SNX8: variants seen among roughly 807,000 people sequenced by gnomAD.
The protein encoded by SNX8 is sorting nexin-8.
SNX8 carries 25 observed loss-of-function variants against 51.6 expected under a neutral mutation model. The observed-to-expected ratio is 0.48, with a 90% CI of 0.35 to 0.68. The LOEUF is 0.68. Ranked by LOEUF, SNX8 falls within the 30% of genes least tolerant of loss-of-function variation. SNX8 has a pLI of 0.00. For synonymous variants in SNX8, 324 were observed against 277.0 expected, an observed-to-expected ratio of 1.17 and a Z score of -1.68; for missense variants, 695 against 624.0, an observed-to-expected ratio of 1.11 and a Z score of -1.21.
intron 1 of SNX8, among the ~76,000 whole-genome samples, chr7:2,330,148 T>A (rs1395084791): frequency 1.4e-5 from 2 of 146,520 alleles, no homozygotes; most frequent in Non-Finnish European, 3.0e-5. Flanking sequence ...CTTTTTTTTT[T>A]TTTTTTTGAG....
chr7:2,340,485 C>G lies in SNX8; in HGVS notation c.-66+13737G>C, dbSNP rs908440034. 2.7e-5 allele frequency among the ~76,000 whole-genome samples: 4 copies of G among 148,464 alleles called. No individual in the cohort carries two copies. In the East Asian group the frequency reaches 7.9e-4, roughly 29 times the overall value. ...AATTCTATTTTTCCCTGTTTCTGTTCTTTTAATGGTTATTCTAGGACACTC... is the reference window on the plus strand; with the variant it reads ...AATTCTATTTTTCCCTGTTTCTGTTGTTTTAATGGTTATTCTAGGACACTC... On this transcript the variant is annotated intron_variant, in intron 1 of 5. Coordinates refer to the SNX8 transcript ENST00000435336.
At chr7:2,339,356 C>T (rs1778882919) in intron 1 of SNX8, among the ~76,000 whole-genome samples, 1 of 152,024 alleles carries the variant, frequency 6.6e-6, no homozygotes, top group Admixed American at 6.6e-5. Flanking sequence ...CAGGCACGTG[C>T]CACCACGCCC....
chr7:2,314,232 G>C, intron 1 of SNX8, 96 bp downstream of exon 1: 6 of 1,187,380 alleles, frequency 5.1e-6, no homozygotes, highest in Non-Finnish European at 6.3e-6. Flanking sequence ...CAGGAAACGA[G>C]TCGGGGACCA....
In SNX8 at chr7:2,314,345, G is replaced by C; in HGVS notation, c.77C>G (p.Ala26Gly). Residue 26 changes from alanine (A) to glycine (G), a missense_variant, in exon 1 of 11, where the codon GCG becomes GGG. Physicochemically the swap from Ala to Gly is moderately conservative, Grantham distance 60 (BLOSUM62 0). Transcript: ENST00000222990. Reference protein sequence around the residue: ...AAAEAEADEEADPPASDLPTP... With the variant: ...AAAEAEADEEGDPPASDLPTP... Reference sequence around the variant, plus strand: ...CGCCCTACCTGACGCCGGGGGATCCGCCTCCTCGTCAGCCTCCGCCTCAGC... The same window carrying C: ...CGCCCTACCTGACGCCGGGGGATCCCCCTCCTCGTCAGCCTCCGCCTCAGC... 8.2e-7 allele frequency: 1 copy of C among 1,223,592 alleles called. No homozygotes were observed. The highest frequency in any genetic ancestry group is 1.0e-6 in the Non-Finnish European group (1 of 982,512). The allele number at this position is 1,223,592 out of a possible 1,614,324, so 75.8% of individuals were successfully genotyped here.
At chr7:2,255,503 T>G (rs1189118647) in intron 10 of SNX8, among the ~76,000 whole-genome samples, 1 of 152,242 alleles carries the variant, frequency 6.6e-6, no homozygotes, top group African/African-American at 2.4e-5. Context: ...GTGCGGGCAC[T>G]GGCCTCATGG....
upstream of SNX8, among the ~76,000 whole-genome samples, chr7:2,314,664 G>T (rs1157043725): frequency 2.0e-5 from 3 of 152,156 alleles, no homozygotes; most frequent in Admixed American, 2.0e-4. Flanking sequence ...GGTGGCGCAG[G>T]TTACCTCCCC....
At position 2,263,236 on chromosome 7, in the gene SNX8, T is replaced by A. The variant is rs1056000215; in HGVS notation, c.909A>T (p.Ala303=). 6.2e-7 allele frequency: 1 copy of A among 1,613,768 alleles called. No individual in the cohort carries two copies. The highest frequency in any genetic ancestry group is 8.5e-7 in the Non-Finnish European group (1 of 1,180,016). ...GGAGAACCGATCCACTCACCTGTTG[T>A]GCAGCCTTGTCGGCGAGCAGCGCGA... ...VEFALLADKA[A]QQGKQEENDV... The change falls in exon 7 of 11, where the codon GCA becomes GCT. Residue 303 remains alanine (A), a synonymous_variant. Transcript: ENST00000222990.
chr7:2,321,457 C>A (rs1778511284), intron 1 of SNX8, among the ~76,000 whole-genome samples: 1 of 148,702 alleles, frequency 6.7e-6, no homozygotes, highest in Non-Finnish European at 1.5e-5. Context: ...GACGGAGTCT[C>A]CCTCTGTCAC....
At chr7:2,307,419 G>A (rs1017031519) in intron 1 of SNX8, among the ~76,000 whole-genome samples, 5 of 151,956 alleles carry the variant, frequency 3.3e-5, no homozygotes, top group African/African-American at 1.2e-4. Flanking sequence ...GATCACTGAG[G>A]TTCCAAGTTC....
At chr7:2,330,262 C>T (rs545587637) in intron 1 of SNX8, among the ~76,000 whole-genome samples, 1 of 151,230 alleles carries the variant, frequency 6.6e-6, no homozygotes, top group South Asian at 2.1e-4. Context: ...CTCAGCCTTC[C>T]AAGTAGCTGG....
At chr7:2,301,324 C>A (rs912990043) in intron 1 of SNX8, among the ~76,000 whole-genome samples, 1 of 152,156 alleles carries the variant, frequency 6.6e-6, no homozygotes. Flanking sequence ...ACCTATTGGC[C>A]GTGTGCTCAT....
upstream of SNX8, among the ~76,000 whole-genome samples, chr7:2,315,853 CTAACTGCATCCTGCATTCAT>C (rs1163341143): frequency 5.4e-5 from 8 of 149,388 alleles, no homozygotes; most frequent in African/African-American, 2.0e-4. Flanking sequence ...CACTCACTCA[CTAACTGCATCCTGCATTCAT>C]TCACTCACTC....
At chr7:2,305,570 G>C (rs1005451390) in intron 1 of SNX8, among the ~76,000 whole-genome samples, 1 of 151,926 alleles carries the variant, frequency 6.6e-6, no homozygotes, top group Non-Finnish European at 1.5e-5. Flanking sequence ...CACCATGTTG[G>C]TCATGCTGGT....
intron 1 of SNX8, among the ~76,000 whole-genome samples, chr7:2,320,924 G>C (rs1778493983): frequency 6.6e-6 from 1 of 152,104 alleles, no homozygotes. Flanking sequence ...GGAGGCTGAG[G>C]CAAGAGAATA....
intron 1 of SNX8, among the ~76,000 whole-genome samples, chr7:2,286,883 G>C (rs1796041323): frequency 6.6e-6 from 1 of 151,932 alleles, no homozygotes; most frequent in South Asian, 2.1e-4. Context: ...GCTCACACCT[G>C]TGATCGCAGC....
At chr7:2,275,946 T>C (rs562782912) in intron 2 of SNX8, among the ~76,000 whole-genome samples, 1 of 146,258 alleles carries the variant, frequency 6.8e-6, no homozygotes, top group Non-Finnish European at 1.5e-5. Context: ...TGCGGTGAGC[T>C]GAGATCACGC....
At chr7:2,313,346 T>C (rs1796696956) in intron 1 of SNX8, among the ~76,000 whole-genome samples, 1 of 149,274 alleles carries the variant, frequency 6.7e-6, no homozygotes, top group South Asian at 2.1e-4. Flanking sequence ...GCCAACATGG[T>C]GAAACTCCGT....
chr7:2,341,999 C>G (rs983184625), intron 1 of SNX8, among the ~76,000 whole-genome samples: 2 of 151,526 alleles, frequency 1.3e-5, no homozygotes, highest in Admixed American at 1.3e-4. Flanking sequence ...GTGGCTCACG[C>G]CTGTAATCCC....
At position 2,305,380 on chromosome 7, in the gene SNX8, T is replaced by G. The variant is rs532193801; in HGVS notation, c.94+8948A>C. 3.0e-4 allele frequency among the ~76,000 whole-genome samples: 45 copies of G among 152,190 alleles called. 1 individual carries two copies. In the South Asian group the frequency reaches 6.6e-3, roughly 22 times the overall value. ...TGTATTTTTGTTTGTTTGTTTGTTT[T>G]TGAGATAAAGTCTTGCTCTGTTGCC... On this transcript the variant is annotated intron_variant, in intron 1 of 10. Coordinates refer to ENST00000222990, the MANE Select transcript of SNX8 (RefSeq NM_013321.4).
Sources: allele counts gnomAD v4.1 joint callset (sites outside exome capture counted in the v4.1 genomes callset), GRCh38; gene constraint gnomAD v4.1.1; transcripts MANE v1.5; gene names NCBI Gene and HGNC (gene_info 2026-07-23, HGNC 2026-07-21).